Variants in SLC45A4 observed in about 807,000 individuals in gnomAD.
SLC45A4 encodes solute carrier family 45 member 4.
Under a neutral mutation model 63.7 loss-of-function variants are expected in SLC45A4, and 32 were observed. The ratio of observed to expected loss-of-function variants is 0.50; its 90% CI spans 0.38 to 0.67. The LOEUF (loss-of-function observed/expected upper bound fraction) is 0.67, where lower values mean the gene tolerates loss of function less well. SLC45A4 is among the 30% of genes least tolerant of loss of function. The pLI is 0.00. For synonymous variants in SLC45A4, 535 were observed against 510.0 expected (o/e 1.05, Z -0.66); for missense variants, 1,027 against 1,157.7 (o/e 0.89, Z 1.64).
intron 1 of SLC45A4, among the ~76,000 whole-genome samples, chr8:141,301,236 G>A (rs941984191): frequency 1.3e-5 from 2 of 152,106 alleles, no homozygotes; most frequent in South Asian, 2.1e-4. Flanking sequence ...CACCTTAAAC[G>A]GGCCCCACCC....
chr8:141,269,501 G>A (rs1271612506), intron 1 of SLC45A4, among the ~76,000 whole-genome samples: 2 of 150,640 alleles, frequency 1.3e-5, no homozygotes, highest in African/African-American at 4.9e-5. Context: ...ATGTCTGCCT[G>A]TGTCGCGTGT....
In SLC45A4 at chr8:141,218,050, G is replaced by A. The variant is rs12679446; in HGVS notation, c.1590C>T (p.Thr530=). The A allele has an allele frequency of 0.12, 189,074 of 1,611,562 alleles. 12,046 individuals carry two copies. The highest frequency in any genetic ancestry group is 0.27 in the East Asian group (11,946 of 44,810). Residue 530 remains threonine, a synonymous_variant, in exon 5 of 9, where the codon ACC becomes ACT. Transcript: ENST00000517878. ...CGAAGATGACCTGGCCCATGAAGTC[G>A]GTGTAGAACACGGCCTCGGCGATGA... The part of the protein sequence containing the change: ...FSVIAEAVFY[T]DFMGQVIFEG...
At chr8:141,304,549 A>G (rs1300708033) in intron 1 of SLC45A4, among the ~76,000 whole-genome samples, 1 of 102,876 alleles carries the variant, frequency 9.7e-6, no homozygotes, top group African/African-American at 3.5e-5. Flanking sequence ...ACAGAGTAAG[A>G]CTGTCTCAAA....
intron 2 of SLC45A4, among the ~76,000 whole-genome samples, chr8:141,231,538 G>T (rs1480856881): frequency 6.6e-6 from 1 of 152,246 alleles, no homozygotes; most frequent in Non-Finnish European, 1.5e-5. Context: ...GATGCCACGT[G>T]GGGGAGCACC....
rs1471094582 is a variant in SLC45A4, at chr8:141,215,695, C to T, written c.1941+64G>A. The T allele has an allele frequency of 3.6e-5, 56 of 1,542,396 alleles. No individual in the cohort carries two copies. The highest frequency in any genetic ancestry group is 4.9e-5 in the Non-Finnish European group (55 of 1,126,318). On this transcript the variant is annotated intron_variant, in intron 7 of 8. Transcript: ENST00000517878. This position sits in a 1 kb window ranked among gnomAD's most constrained non-coding sequence, Gnocchi z 4.3. ...CCCCCCGGGGAAGCACAGGGCTCTG[C>T]TCTGTATGGAGGGAAGGCACTCAGG... is the stretch of plus-strand genomic sequence containing the variant.
chr8:141,304,026 A>G (rs1262322803), intron 1 of SLC45A4, among the ~76,000 whole-genome samples: 1 of 152,130 alleles, frequency 6.6e-6, no homozygotes, highest in African/African-American at 2.4e-5. Context: ...GCGGCTCCCG[A>G]CAGACTCTGA....
chr8:141,299,843 C>G (rs570017129), intron 1 of SLC45A4, among the ~76,000 whole-genome samples: 1 of 152,150 alleles, frequency 6.6e-6, no homozygotes, highest in African/African-American at 2.4e-5. Context: ...TATTAATACC[C>G]AAAATACCAC....
rs577486164 is a variant in SLC45A4 at position 141,302,257 on chromosome 8, G to GT, written c.-401+5838dup. Among the ~76,000 whole-genome samples, 36 of 152,036 alleles carry GT rather than the reference G, an allele frequency of 2.4e-4. No homozygotes were observed. In the East Asian group the frequency reaches 6.2e-3, roughly 26 times the overall value. On this transcript the variant is annotated intron_variant, in intron 1 of 8. Transcript: ENST00000517878. ...AAAAATGTGTCTATAGTTTTTCAAA[G>GT]TTTTTTTTGTTTTTTAGATGGAGAC...
Position 141,217,171 on chromosome 8 carries a change from C to T in SLC45A4, c.1648G>A (p.Ala550Thr), listed in dbSNP as rs542881539. ...GDPKAPSNST[A>T]WQAYNAGVKM... Reference sequence around the variant, plus strand: ...ACCCCGGCGTTGTAGGCTTGCCAGGCGGTCGAGTTCGAGGGGGCCTGTTCC... The same window carrying T: ...ACCCCGGCGTTGTAGGCTTGCCAGGTGGTCGAGTTCGAGGGGGCCTGTTCC... Residue 550 changes from alanine to threonine, a missense_variant, in exon 6 of 9, where the codon GCC (alanine) becomes ACC (threonine). Transcript: ENST00000517878. 1.4e-5 allele frequency: 23 copies of T among 1,613,736 alleles called. No individual in the cohort carries two copies. Among genetic ancestry groups the T allele is most frequent in the East Asian group, 2.2e-5 (1 of 44,870 alleles).
intron 2 of SLC45A4, among the ~76,000 whole-genome samples, chr8:141,250,414 T>TC (rs952532543): frequency 6.6e-6 from 1 of 151,960 alleles, no homozygotes; most frequent in Non-Finnish European, 1.5e-5. Context: ...TTTTTTTTTT[T>TC]TGAGACAGTG....
chr8:141,255,970 C>T (rs1178669456), intron 1 of SLC45A4, among the ~76,000 whole-genome samples: 2 of 152,084 alleles, frequency 1.3e-5, no homozygotes, highest in East Asian at 1.9e-4. Flanking sequence ...CCTAGGGGTT[C>T]GGAGACTCCC....
intron 1 of SLC45A4, among the ~76,000 whole-genome samples, chr8:141,295,358 C>T (rs1006226353): frequency 2.0e-5 from 3 of 152,212 alleles, no homozygotes; most frequent in Non-Finnish European, 4.4e-5. Flanking sequence ...AGCCCAAGGG[C>T]ACCAGGCGGA....
rs952462162 is a variant in SLC45A4, at chr8:141,253,974, G to A, written c.241+15C>T. 6.0e-5 allele frequency: 92 copies of A among 1,535,660 alleles called. No homozygotes were observed. The highest frequency in any genetic ancestry group is 6.9e-5 in the Non-Finnish European group (79 of 1,146,606). On this transcript the variant is annotated intron_variant, in intron 2 of 8. Coordinates refer to ENST00000517878, the MANE Select transcript of SLC45A4 (RefSeq NM_001286646.2). ...CGCTCAGCGTTCACTGCGCACAGAC[G>A]GGGAGGAGACTTACCAATCTGCAAC...
Position 141,254,800 on chromosome 8 carries a change from T to C in SLC45A4, c.-400-171A>G, listed in dbSNP as rs766930666. The C allele has an allele frequency of 1.7e-6, 1 of 590,794 alleles. No individual in the cohort carries two copies. The highest frequency in any genetic ancestry group is 1.6e-5 in the South Asian group (1 of 62,884). The allele number at this position is 590,794 out of a possible 1,614,324, so 36.6% of individuals were successfully genotyped here. A position where few individuals can be genotyped will look rare whatever the true frequency, so the allele number is the denominator to read the frequency against. ...CGTCTGTGCAAATAACCAAACCTAC[T>C]TTCTAGAAAAACATTTTCTCATACG... On this transcript the variant is annotated intron_variant, in intron 1 of 8. Coordinates refer to ENST00000517878, the MANE Select transcript of SLC45A4 (RefSeq NM_001286646.2). This position sits in a 1 kb window ranked among gnomAD's most constrained non-coding sequence, Gnocchi z 4.5.
At chr8:141,230,523 C>T (rs1009061994) in intron 2 of SLC45A4, among the ~76,000 whole-genome samples, 1 of 152,260 alleles carries the variant, frequency 6.6e-6, no homozygotes, top group Non-Finnish European at 1.5e-5. Context: ...TCTGAAGCCC[C>T]AAGCGTGCCC....
At chr8:141,238,084 T>C (rs1771081975) in intron 2 of SLC45A4, among the ~76,000 whole-genome samples, 1 of 152,234 alleles carries the variant, frequency 6.6e-6, no homozygotes, top group African/African-American at 2.4e-5. Flanking sequence ...CTCCCTCTAG[T>C]GTGCGGTTAG....
At chr8:141,257,611 C>T (rs947892018) in intron 1 of SLC45A4, among the ~76,000 whole-genome samples, 2 of 152,200 alleles carry the variant, frequency 1.3e-5, no homozygotes, top group African/African-American at 2.4e-5. Context: ...GAGAGTTAGG[C>T]AATAAATGTC....
chr8:141,287,800 G>A (rs1459909728), intron 1 of SLC45A4, among the ~76,000 whole-genome samples: 3 of 152,204 alleles, frequency 2.0e-5, no homozygotes, highest in Non-Finnish European at 4.4e-5. Flanking sequence ...GGGCCTCAGT[G>A]GGGCGGTGAG....
chr8:141,297,994 T>A (rs1209387839), intron 1 of SLC45A4, among the ~76,000 whole-genome samples: 1 of 150,014 alleles, frequency 6.7e-6, no homozygotes, highest in African/African-American at 2.4e-5. Context: ...TCACTCCAGC[T>A]GTGGATGGTG....
Sources: gnomAD v4.1 joint callset for allele counts (sites outside exome capture counted in the v4.1 genomes callset) on GRCh38, gnomAD v4.1.1 for gene constraint, Gnocchi (gnomAD v3.1) non-coding constraint, MANE v1.5 for transcripts, NCBI Gene and HGNC (gene_info 2026-07-23, HGNC 2026-07-21) for gene names.